TOX3: variants seen among roughly 807,000 people sequenced by gnomAD.
TOX3 encodes the protein CAG trinucleotide repeat-containing gene F9 protein.
A neutral mutation model predicts 64.3 loss-of-function variants in TOX3; 22 were observed. The ratio of observed to expected loss-of-function variants is 0.34; its 90% CI spans 0.24 to 0.49. The LOEUF (loss-of-function observed/expected upper bound fraction) is 0.49. TOX3 is among the 20% of genes least tolerant of loss of function. The pLI is 0.99. For missense variants in TOX3, 661 were observed against 714.4 expected (o/e 0.93, Z 0.85); for synonymous variants, 291 against 273.6 (o/e 1.06, Z -0.63).
At chr16:52,526,048 A>T (rs1009417519) in intron 1 of TOX3, among the ~76,000 whole-genome samples, 4 of 152,164 alleles carry the variant, frequency 2.6e-5, no homozygotes, top group African/African-American at 9.7e-5. Context: ...ATTCTCTGAC[A>T]TTCCCATTGG....
intron 1 of TOX3, among the ~76,000 whole-genome samples, chr16:52,515,617 C>T (rs1462975650): frequency 6.6e-6 from 1 of 152,146 alleles, no homozygotes; most frequent in Non-Finnish European, 1.5e-5. Context: ...CAGGTGCAAA[C>T]AAAAGTTCTG....
At chr16:52,490,562 A>AT (rs1250489075) in intron 1 of TOX3, among the ~76,000 whole-genome samples, 5 of 149,586 alleles carry the variant, frequency 3.3e-5, no homozygotes, top group African/African-American at 1.2e-4. Flanking sequence ...TATTTAGTAT[A>AT]TTTTTTAAAT....
At position 52,457,947 on chromosome 16, in the gene TOX3, G is replaced by T. The variant is rs564928497; in HGVS notation, c.408+5987C>A. On this transcript the variant is annotated intron_variant, in intron 3 of 6. Transcript: ENST00000219746. ...CCTAAAGTTAATTAATAGTTTCTTG[G>T]CAAAATAAAATTTTCAAGAGTTTAT... 5.3e-4 allele frequency among the ~76,000 whole-genome samples: 81 copies of T among 152,094 alleles called. 1 individual carries two copies. The highest frequency in any genetic ancestry group is 1.9e-3 in the African/African-American group (80 of 41,490).
chr16:52,519,376 T>C (rs968143580), intron 1 of TOX3: 3 of 1,549,130 alleles, frequency 1.9e-6, no homozygotes, highest in East Asian at 4.9e-5. Flanking sequence ...CCAGATCCAT[T>C]AGAAACCTCA....
At chr16:52,494,867 G>A (rs1961798088) in intron 1 of TOX3, among the ~76,000 whole-genome samples, 2 of 152,196 alleles carry the variant, frequency 1.3e-5, no homozygotes, top group Admixed American at 1.3e-4. Context: ...CCATCTACCT[G>A]TGGCATAGGC....
At chr16:52,443,599 T>A (rs1354605587) in intron 6 of TOX3, among the ~76,000 whole-genome samples, 1 of 152,200 alleles carries the variant, frequency 6.6e-6, no homozygotes, top group Non-Finnish European at 1.5e-5. Context: ...TTAGATCAAA[T>A]TATCCTTTCC....
intron 1 of TOX3, among the ~76,000 whole-genome samples, chr16:52,469,286 G>T (rs149563876): frequency 1.3e-5 from 2 of 152,146 alleles, no homozygotes; most frequent in South Asian, 2.1e-4. Flanking sequence ...AAATAAGACC[G>T]TATCAGCATT....
chr16:52,543,755 A>G (rs917048531), intron 1 of TOX3, among the ~76,000 whole-genome samples: 1 of 152,162 alleles, frequency 6.6e-6, no homozygotes, highest in Admixed American at 6.5e-5. Flanking sequence ...TTATTCTCCT[A>G]CTTGCAACGA....
intron 1 of TOX3, among the ~76,000 whole-genome samples, chr16:52,503,617 A>T (rs1388152744): frequency 2.0e-5 from 3 of 152,230 alleles, no homozygotes; most frequent in African/African-American, 7.2e-5. Context: ...CTTTACAAAA[A>T]GGAAAGGCAA....
chr16:52,502,451 A>G (rs1962028887), intron 1 of TOX3, among the ~76,000 whole-genome samples: 1 of 152,234 alleles, frequency 6.6e-6, no homozygotes, highest in Non-Finnish European at 1.5e-5. Context: ...AAATCTAAAA[A>G]TCCATATTCA....
chr16:52,499,082 G>A (rs949648052), intron 1 of TOX3, among the ~76,000 whole-genome samples: 1 of 152,182 alleles, frequency 6.6e-6, no homozygotes, highest in Non-Finnish European at 1.5e-5. Context: ...TTCCGTAATA[G>A]TGAAAATGAA....
intron 1 of TOX3, among the ~76,000 whole-genome samples, chr16:52,521,150 T>G (rs2151478774): frequency 6.6e-6 from 1 of 152,276 alleles, no homozygotes; most frequent in East Asian, 1.9e-4. Flanking sequence ...AAAAAAGAGA[T>G]TAGCAAGTAT....
At chr16:52,541,772 A>C (rs549611635) in intron 1 of TOX3, among the ~76,000 whole-genome samples, 7 of 152,358 alleles carry the variant, frequency 4.6e-5, no homozygotes, top group African/African-American at 1.4e-4. Flanking sequence ...TCTACTGAGC[A>C]CAGGGTCTTC....
At chr16:52,445,899 A>G (rs976407512) in intron 5 of TOX3, 95 bp downstream of exon 5, 11 of 1,141,472 alleles carry the variant, frequency 9.6e-6, no homozygotes, top group Non-Finnish European at 1.4e-5. Flanking sequence ...AGAAGCAATC[A>G]TATTAAGTGA....
chr16:52,493,806 C>T (rs1961765246), intron 1 of TOX3, among the ~76,000 whole-genome samples: 1 of 152,156 alleles, frequency 6.6e-6, no homozygotes, highest in South Asian at 2.1e-4. Context: ...ATTTCCCAAA[C>T]TCCTACCCAT....
intron 6 of TOX3, among the ~76,000 whole-genome samples, chr16:52,440,574 C>T (rs949165397): frequency 2.0e-5 from 3 of 152,092 alleles, no homozygotes; most frequent in African/African-American, 7.2e-5. Context: ...GCATTTAAGT[C>T]TGTACTAACG....
intron 1 of TOX3, among the ~76,000 whole-genome samples, chr16:52,495,759 C>T (rs1961833614): frequency 6.6e-6 from 1 of 152,104 alleles, no homozygotes; most frequent in South Asian, 2.1e-4. Flanking sequence ...GCACTTGATC[C>T]TAAAATTTCA....
At chr16:52,519,811 A>C (rs1038505352) in intron 1 of TOX3, among the ~76,000 whole-genome samples, 1 of 151,968 alleles carries the variant, frequency 6.6e-6, no homozygotes, top group Non-Finnish European at 1.5e-5. Context: ...AAAATTAAAA[A>C]ATTAGATGAG....
chr16:52,456,278 G>A (rs1487543739), intron 3 of TOX3, among the ~76,000 whole-genome samples: 1 of 152,120 alleles, frequency 6.6e-6, no homozygotes, highest in East Asian at 1.9e-4. Context: ...AATCAATTGC[G>A]GACATTTCTA....
Sources: gnomAD v4.1 joint callset for allele counts (sites outside exome capture counted in the v4.1 genomes callset) on GRCh38, gnomAD v4.1.1 for gene constraint, MANE v1.5 for transcripts, NCBI Gene and HGNC (gene_info 2026-07-23, HGNC 2026-07-21) for gene names.